Variants in RUFY3 observed in about 807,000 individuals in gnomAD.
The protein encoded by RUFY3 is protein RUFY3.
Under a neutral mutation model 84.0 loss-of-function variants are expected in RUFY3, and 34 were observed. That is an observed-to-expected ratio of 0.40 (90% confidence interval 0.31 to 0.54). RUFY3 has a LOEUF of 0.54. Ranked by LOEUF, RUFY3 falls within the 20% of genes least tolerant of loss-of-function variation. The pLI is 0.39. For missense variants in RUFY3, 507 were observed against 736.8 expected (o/e 0.69, Z 3.61); for synonymous variants, 242 against 252.9 (o/e 0.96, Z 0.41).
At chr4:70,786,224 G>C (rs1158863662) in intron 10 of RUFY3, among the ~76,000 whole-genome samples, 1 of 152,116 alleles carries the variant, frequency 6.6e-6, no homozygotes, top group Non-Finnish European at 1.5e-5. Context: ...TAGAGAGTAA[G>C]GTGGGGTTAC....
intron 6 of RUFY3, among the ~76,000 whole-genome samples, chr4:70,774,926 A>G (rs1474092367): frequency 6.6e-6 from 1 of 151,982 alleles, no homozygotes; most frequent in Non-Finnish European, 1.5e-5. Context: ...TAAATTATTA[A>G]TACTGAGGTT....
chr4:70,717,595 G>A (rs185187461), upstream of RUFY3, among the ~76,000 whole-genome samples: 2 of 148,448 alleles, frequency 1.3e-5, no homozygotes, highest in Admixed American at 1.3e-4. Context: ...GTGTGTGTGT[G>A]TTTGTGTGTG....
At chr4:70,753,619 T>C (rs1723490855) in intron 1 of RUFY3, among the ~76,000 whole-genome samples, 2 of 152,196 alleles carry the variant, frequency 1.3e-5, no homozygotes, top group African/African-American at 4.8e-5. Context: ...CAGCTTCCCT[T>C]GTCTAAAAGC....
chr4:70,736,662 C>T (rs535214954), intron 1 of RUFY3, among the ~76,000 whole-genome samples: 114 of 152,188 alleles, frequency 7.5e-4, no homozygotes, highest in African/African-American at 2.7e-3. Context: ...ACCTCTGCCT[C>T]CCGGGTTCAA....
At position 70,794,856 on chromosome 4, in the gene RUFY3, A is replaced by G. The variant is rs1731312750; in HGVS notation, c.1519A>G (p.Ile507Val). 1.2e-6 allele frequency: 2 copies of G among 1,613,092 alleles called. No homozygotes were observed. Among genetic ancestry groups the G allele is most frequent in the Non-Finnish European group, 1.7e-6 (2 of 1,179,304 alleles). The change falls in exon 14 of 18, where the codon ATC (isoleucine) becomes GTC (valine). Residue 507 changes from isoleucine to valine, a missense_variant. This residue lies in a region of RUFY3 where 334 missense variants were observed against 364.1 expected (regional missense o/e 0.92). Transcript: ENST00000381006. ...KERRLQNDRS[I>V]PGRGSQKSES... ...AAGAAGATTACAAAACGACAGGAGC[A>G]TCCCAGGAAGGGGTTCCCAGAAGTC...
intron 1 of RUFY3, among the ~76,000 whole-genome samples, chr4:70,726,606 C>T (rs1013061438): frequency 2.0e-5 from 3 of 152,268 alleles, no homozygotes; most frequent in Non-Finnish European, 4.4e-5. Flanking sequence ...CTCCCGACCT[C>T]AGGTGATCGC....
exon 1 of RUFY3, chr4:70,704,827 C>T (rs1332897067): frequency 1.5e-5 from 10 of 683,356 alleles, no homozygotes; most frequent in African/African-American, 1.3e-4. Flanking sequence ...GTGGCGGTGG[C>T]GGCGGCGGCG....
intron 1 of RUFY3, among the ~76,000 whole-genome samples, chr4:70,746,488 C>A (rs543280561): frequency 7.0e-6 from 1 of 143,456 alleles, no homozygotes; most frequent in African/African-American, 2.7e-5. Context: ...GCCTGGGTGA[C>A]TGAGCAAGAC....
At position 70,744,947 on chromosome 4, in the gene RUFY3, G is replaced by A. The variant is rs576838084; in HGVS notation, c.179-17572G>A. On this transcript the variant is annotated intron_variant, in intron 1 of 17. Transcript: ENST00000381006. Reference sequence around the variant, plus strand: ...TGGGATTACAGACATGAGCCACTGTGCCCAGCCCTTTTGAATTTTTTTAGA... The same window carrying A: ...TGGGATTACAGACATGAGCCACTGTACCCAGCCCTTTTGAATTTTTTTAGA... Among the ~76,000 whole-genome samples, 4 of 151,084 alleles carry A rather than the reference G, an allele frequency of 2.6e-5. No individual in the cohort carries two copies. The East Asian group carries it at 7.8e-4, about 30-fold the overall frequency.
At chr4:70,788,308 G>T (rs1020282599) in intron 10 of RUFY3, among the ~76,000 whole-genome samples, 1 of 149,696 alleles carries the variant, frequency 6.7e-6, no homozygotes, top group African/African-American at 2.5e-5. Flanking sequence ...AAATCTGTTC[G>T]CCTCGTAACC....
chr4:70,738,486 T>C (rs1720777665), intron 1 of RUFY3, among the ~76,000 whole-genome samples: 1 of 149,706 alleles, frequency 6.7e-6, no homozygotes, highest in Admixed American at 6.7e-5. Context: ...CCTCAGCCTC[T>C]GGAGTAGCTG....
chr4:70,800,454 T>C (rs1027836171), intron 15 of RUFY3, among the ~76,000 whole-genome samples: 22 of 152,214 alleles, frequency 1.4e-4, no homozygotes, highest in African/African-American at 4.8e-4. Context: ...ATTCCCAAGC[T>C]CAGATTATCA....
chr4:70,754,001 A>G (rs924666804), intron 1 of RUFY3, among the ~76,000 whole-genome samples: 7 of 152,092 alleles, frequency 4.6e-5, no homozygotes, highest in African/African-American at 1.7e-4. Context: ...CATTGATTAT[A>G]CTGTTACCAA....
chr4:70,796,758 T>C (rs1399845538), intron 14 of RUFY3, among the ~76,000 whole-genome samples: 1 of 152,170 alleles, frequency 6.6e-6, no homozygotes, highest in African/African-American at 2.4e-5. Context: ...TGAGTTATCC[T>C]TTTGTAAACT....
upstream of RUFY3, chr4:70,704,355 T>A (rs1740010090): frequency 6.6e-6 from 1 of 152,210 alleles, no homozygotes; most frequent in African/African-American, 2.4e-5. Flanking sequence ...AATGGTACAG[T>A]TTAATACCCG....
Position 70,722,212 on chromosome 4 carries a change from AAGGC to A in RUFY3, c.-359_-356del. 8.1e-7 allele frequency: 1 copy of A among 1,230,000 alleles called. No homozygotes were observed. Among genetic ancestry groups the A allele is most frequent in the Non-Finnish European group, 1.0e-6 (1 of 987,562 alleles). 76.2% of individuals were successfully genotyped at this position (1,230,000 alleles called of 1,614,324 possible). A position where few individuals can be genotyped will look rare whatever the true frequency, so the allele number is the denominator to read the frequency against. Reference sequence around the variant, plus strand: ...CGAGGCCAGATTTTTAAAGCCAGCTAAGGCAGCATCAGCTGTGCGGGATTTAAAG... The same window carrying A: ...CGAGGCCAGATTTTTAAAGCCAGCTAAGCATCAGCTGTGCGGGATTTAAAG... On this transcript the variant is annotated 5_prime_UTR_variant, in exon 1 of 18. Transcript: ENST00000381006.
At chr4:70,774,644 A>AAAAAAAATAT (rs1553916771) in intron 6 of RUFY3, among the ~76,000 whole-genome samples, 4 of 56,686 alleles carry the variant, frequency 7.1e-5, no homozygotes, top group South Asian at 5.6e-4. Context: ...AAAAAAAAAA[A>AAAAAAAATAT]ATATATATAT....
chr4:70,716,448 A>G (rs893956425), intron 1 of RUFY3, among the ~76,000 whole-genome samples: 21 of 152,072 alleles, frequency 1.4e-4, no homozygotes, highest in Admixed American at 1.0e-3. Flanking sequence ...GCCCTGCCGA[A>G]TCAGAAATTT....
rs547510323 is a variant in RUFY3, at chr4:70,738,617, C to T, written c.178+15866C>T. On this transcript the variant is annotated intron_variant, in intron 1 of 17. Coordinates refer to ENST00000381006, the MANE Select transcript of RUFY3 (RefSeq NM_001037442.4). ...GACCTCATGATCTGCCCGCCTCGGC[C>T]TCCCAAAGTGCTGGGATTACAGGCG... 3.5e-4 allele frequency among the ~76,000 whole-genome samples: 53 copies of T among 151,878 alleles called. No homozygotes were observed. In the East Asian group the frequency reaches 9.5e-3, roughly 27 times the overall value.
Sources: allele counts gnomAD v4.1 joint callset (sites outside exome capture counted in the v4.1 genomes callset), GRCh38; gene constraint gnomAD v4.1.1; regional missense constraint gnomAD v4.1.1; transcripts MANE v1.5; gene names NCBI Gene and HGNC (gene_info 2026-07-23, HGNC 2026-07-21).